Variants in MBTD1 observed in about 807,000 individuals in gnomAD.
MBTD1 encodes the protein MBT domain-containing protein 1.
A neutral mutation model predicts 87.8 loss-of-function variants in MBTD1; 24 were observed. The observed-to-expected ratio is 0.27, with a 90% CI of 0.20 to 0.38. MBTD1 has a LOEUF of 0.38. Among genes scored for constraint, MBTD1 ranks in the 10% least tolerant of loss-of-function variants. MBTD1 has a pLI of 1.00. For missense variants in MBTD1, 436 were observed against 760.2 expected (o/e 0.57, Z 5.02); for synonymous variants, 237 against 248.6 (o/e 0.95, Z 0.44).
intron 2 of MBTD1, among the ~76,000 whole-genome samples, chr17:51,226,138 C>A (rs1282253840): frequency 1.3e-5 from 2 of 149,662 alleles, no homozygotes; most frequent in East Asian, 2.0e-4. Flanking sequence ...GAGTTTGAGA[C>A]CAGCCTGGGC....
chr17:51,252,392 T>A (rs1002136413), intron 2 of MBTD1, among the ~76,000 whole-genome samples: 3 of 152,126 alleles, frequency 2.0e-5, no homozygotes, highest in Admixed American at 1.3e-4. Flanking sequence ...CAAATAAATA[T>A]GTTTCAGGTA....
chr17:51,236,187 A>C (rs950532449), intron 2 of MBTD1, among the ~76,000 whole-genome samples: 1 of 152,172 alleles, frequency 6.6e-6, no homozygotes, highest in African/African-American at 2.4e-5. Flanking sequence ...ACCTATAGAT[A>C]TCTATATCCC....
At chr17:51,201,823 C>T in intron 11 of MBTD1, 127 bp from the exon 12 acceptor site, 1 of 761,164 alleles carries the variant, frequency 1.3e-6, no homozygotes. Flanking sequence ...ACTCAAACTT[C>T]CATTAAGGTT....
intron 12 of MBTD1, 48 bp downstream of exon 12, chr17:51,201,543 AC>A: frequency 8.2e-7 from 1 of 1,216,604 alleles, no homozygotes; most frequent in Non-Finnish European, 1.2e-6. Context: ...ATTAGCTTAT[AC>A]CCAAATCCTA....
chr17:51,196,092 T>C (rs1023253879), intron 12 of MBTD1, among the ~76,000 whole-genome samples: 4 of 152,126 alleles, frequency 2.6e-5, no homozygotes, highest in African/African-American at 9.7e-5. Flanking sequence ...ATTTTTATTT[T>C]GTAGAGATGG....
rs190821584 is a variant in MBTD1, at chr17:51,210,908, G to A, written c.487-3903C>T. Among the ~76,000 whole-genome samples the A allele has an allele frequency of 5.5e-4, 84 of 151,494 alleles. 1 individual carries two copies. Among genetic ancestry groups the A allele is most frequent in the Admixed American group, 3.5e-3 (53 of 15,230 alleles). On this transcript the variant is annotated intron_variant, in intron 6 of 16. Transcript: ENST00000586178. Reference sequence around the variant, plus strand: ...GCCAAGGACTTTGGGAGGCCAAGGTGGGCAGATCACTTGAGGCCAGGAGTT... The same window carrying A: ...GCCAAGGACTTTGGGAGGCCAAGGTAGGCAGATCACTTGAGGCCAGGAGTT...
chr17:51,260,396 T>G (rs1598467006), upstream of MBTD1: 2 of 635,004 alleles, frequency 3.1e-6, no homozygotes, highest in African/African-American at 2.0e-5. Context: ...CCGGAGGAAC[T>G]CCCACACGGG....
upstream of MBTD1, chr17:51,260,878 C>T (rs971941776): frequency 3.7e-6 from 6 of 1,600,872 alleles, no homozygotes; most frequent in Non-Finnish European, 5.1e-6. Flanking sequence ...TCTTCGGCGA[C>T]GTCGAGAACG....
chr17:51,192,439 G>T, intron 15 of MBTD1, 159 bp from the exon 16 acceptor site: 1 of 636,502 alleles, frequency 1.6e-6, no homozygotes, highest in Non-Finnish European at 2.7e-6. Flanking sequence ...CAAAACCATA[G>T]CCTCAACATG....
In MBTD1 at chr17:51,195,201, T is replaced by A; in HGVS notation, c.1372+13A>T. ...AACAATTAAAACCCAGTGTTTATAT[T>A]AGGATGAAGTACCTCTGGGTGGAGT... On this transcript the variant is annotated intron_variant, in intron 13 of 16. Coordinates refer to ENST00000586178, the MANE Select transcript of MBTD1 (RefSeq NM_017643.3). 1 of 1,603,808 alleles carries A rather than the reference T, an allele frequency of 6.2e-7. No homozygotes were observed. The highest frequency in any genetic ancestry group is 1.1e-5 in the South Asian group (1 of 88,748).
At chr17:51,211,988 A>G (rs1366703930) in intron 6 of MBTD1, among the ~76,000 whole-genome samples, 2 of 152,210 alleles carry the variant, frequency 1.3e-5, no homozygotes, top group Non-Finnish European at 2.9e-5. Context: ...AAAAGCTGAC[A>G]TACATATAGG....
intron 3 of MBTD1, among the ~76,000 whole-genome samples, chr17:51,222,561 T>C (rs6416962): frequency 0.51 from 77,292 of 151,356 alleles, 20,017 homozygotes; most frequent in South Asian, 0.65. Flanking sequence ...CACGCCACCA[T>C]GCCTGGCTAA....
At position 51,218,979 on chromosome 17, in the gene MBTD1, T is replaced by C. The variant is rs532633888; in HGVS notation, c.354A>G (p.Ala118=). ...QKQPLVAKLA[A]YAQYQATLQN... ...GCAAGGTAGCTTGATACTGAGCATA[T>C]GCGGCTAGCTTAGCAACTAAAGGTT... The change falls in exon 5 of 17, where the codon GCA becomes GCG. Residue 118 remains alanine (A), a synonymous_variant. Transcript: ENST00000586178. The C allele has an allele frequency of 5.8e-6, 9 of 1,551,516 alleles. No individual in the cohort carries two copies. The highest frequency in any genetic ancestry group is 2.4e-5 in the South Asian group (2 of 84,054).
At chr17:51,235,376 A>G (rs1253148617) in intron 2 of MBTD1, among the ~76,000 whole-genome samples, 3 of 151,442 alleles carry the variant, frequency 2.0e-5, no homozygotes, top group Non-Finnish European at 2.9e-5. Context: ...GACCTCAGGT[A>G]ATCCACCCAC....
chr17:51,196,225 C>CTT (rs770871296), intron 12 of MBTD1, among the ~76,000 whole-genome samples: 24 of 134,632 alleles, frequency 1.8e-4, no homozygotes, highest in Admixed American at 1.4e-3. Flanking sequence ...CCCACCCTGC[C>CTT]TTTTTTTTTT....
At chr17:51,257,460 C>G (rs1456790440) in intron 2 of MBTD1, among the ~76,000 whole-genome samples, 1 of 152,122 alleles carries the variant, frequency 6.6e-6, no homozygotes, top group Admixed American at 6.5e-5. Flanking sequence ...CTTATATTTT[C>G]CTTTGATCAC....
intron 2 of MBTD1, among the ~76,000 whole-genome samples, chr17:51,225,444 C>T (rs1055879838): frequency 1.2e-4 from 18 of 151,966 alleles, no homozygotes; most frequent in African/African-American, 4.1e-4. Flanking sequence ...CTCCACCTCC[C>T]GCACTCAGAT....
chr17:51,202,922 A>G lies in MBTD1; in HGVS notation c.842T>C (p.Met281Thr), dbSNP rs2143117133. The change falls in exon 10 of 17, where the codon ATG becomes ACG. Residue 281 changes from methionine to threonine, a missense_variant. Physicochemically the swap from Met to Thr is moderately conservative, Grantham distance 81 (BLOSUM62 -1). Transcript: ENST00000586178. Reference protein sequence around the residue: ...PDFSQKVSESMQYPFKPCMRV... With the variant: ...PDFSQKVSESTQYPFKPCMRV... ...CATGCAAGGTTTGAAAGGATACTGC[A>G]TACTCTCTGAAACCTTAAAAGCATA... The G allele has an allele frequency of 6.2e-7, 1 of 1,612,640 alleles. No homozygotes were observed. The highest frequency in any genetic ancestry group is 2.2e-5 in the East Asian group (1 of 44,876).
At chr17:51,237,902 C>T (rs1458096836) in intron 2 of MBTD1, among the ~76,000 whole-genome samples, 1 of 152,188 alleles carries the variant, frequency 6.6e-6, no homozygotes, top group Non-Finnish European at 1.5e-5. Context: ...AGGGATTACA[C>T]AAATTGTGGT....
Sources: allele counts gnomAD v4.1 joint callset (sites outside exome capture counted in the v4.1 genomes callset), GRCh38; gene constraint gnomAD v4.1.1; transcripts MANE v1.5; gene names NCBI Gene and HGNC (gene_info 2026-07-23, HGNC 2026-07-21).